Variants in RTN4RL1 observed in about 807,000 individuals in gnomAD.
RTN4RL1 encodes the protein reticulon-4 receptor-like 1.
Under a neutral mutation model 25.6 loss-of-function variants are expected in RTN4RL1, and 7 were observed. The ratio of observed to expected loss-of-function variants is 0.27; its 90% CI spans 0.16 to 0.51. The LOEUF (loss-of-function observed/expected upper bound fraction) is 0.51, where lower values mean the gene tolerates loss of function less well. Ranked by LOEUF, RTN4RL1 falls within the 20% of genes least tolerant of loss-of-function variation. RTN4RL1 has a pLI of 0.97. For synonymous variants in RTN4RL1, 297 were observed against 288.2 expected (o/e 1.03, Z -0.31); for missense variants, 500 against 615.6 (o/e 0.81, Z 1.99).
At chr17:2,023,175 G>A (rs1567535813) in intron 1 of RTN4RL1, among the ~76,000 whole-genome samples, 2 of 152,180 alleles carry the variant, frequency 1.3e-5, no homozygotes, top group Non-Finnish European at 2.9e-5. Context: ...GCCTCTCAGA[G>A]CTGTCTGGGA....
intron 1 of RTN4RL1, among the ~76,000 whole-genome samples, chr17:1,945,056 C>T (rs539326261): frequency 7.9e-5 from 12 of 152,254 alleles, no homozygotes; most frequent in East Asian, 3.9e-4. Context: ...ACCCTATTCA[C>T]GCCAGGGATG....
intron 1 of RTN4RL1, among the ~76,000 whole-genome samples, chr17:2,004,750 G>A (rs1430065132): frequency 6.6e-6 from 1 of 152,232 alleles, no homozygotes; most frequent in Non-Finnish European, 1.5e-5. Context: ...CACCCTACGT[G>A]ACCTGTCCCT....
chr17:2,002,116 C>G (rs1453376715), intron 1 of RTN4RL1, among the ~76,000 whole-genome samples: 2 of 151,650 alleles, frequency 1.3e-5, no homozygotes, highest in Non-Finnish European at 2.9e-5. Context: ...TATTTATTAC[C>G]CTCAATTATT....
chr17:1,989,683 T>C lies in RTN4RL1; in HGVS notation c.13+35170A>G, dbSNP rs111388107. Among the ~76,000 whole-genome samples the C allele has an allele frequency of 9.1e-3, 1,391 of 152,268 alleles. 29 individuals are homozygous for C. The highest frequency in any genetic ancestry group is 0.032 in the African/African-American group (1,320 of 41,540). ...CCACCTCCCGGTTTCAAGCAATTCT[T>C]CTGCCTCAGCCTCCCGAGTAGCCAG... On this transcript the variant is annotated intron_variant, in intron 1 of 1. Transcript: ENST00000331238.
At position 1,994,538 on chromosome 17, in the gene RTN4RL1, G is replaced by A. The variant is rs1030244136; in HGVS notation, c.13+30315C>T. Among the ~76,000 whole-genome samples the A allele has an allele frequency of 2.0e-5, 3 of 152,188 alleles. No homozygotes were observed. The highest frequency in any genetic ancestry group is 4.4e-5 in the Non-Finnish European group (3 of 68,034). ...CCATCCCCTTCCCACCAGCTTGCGA[G>A]CTTATCAAACCCACAATTTGGGAGA... On this transcript the variant is annotated intron_variant, in intron 1 of 1. Coordinates refer to ENST00000331238, the MANE Select transcript of RTN4RL1 (RefSeq NM_178568.4). This position sits in a 1 kb window ranked among gnomAD's most constrained non-coding sequence, Gnocchi z 4.3.
Position 2,010,499 on chromosome 17 carries a change from G to C in RTN4RL1, c.13+14354C>G, listed in dbSNP as rs1286821182. On this transcript the variant is annotated intron_variant, in intron 1 of 1. Coordinates refer to ENST00000331238, the MANE Select transcript of RTN4RL1 (RefSeq NM_178568.4). ...CTCAATATATATATAGTTGTTTATT[G>C]TCTATTTCTCCACCCCAACTAGAAT... is the stretch of plus-strand genomic sequence containing the variant. Among the ~76,000 whole-genome samples, 4 of 151,954 alleles carry C rather than the reference G, an allele frequency of 2.6e-5. No homozygotes were observed. The East Asian group carries it at 5.8e-4, about 22-fold the overall frequency.
At chr17:1,967,091 G>A (rs1411702570) in intron 1 of RTN4RL1, among the ~76,000 whole-genome samples, 2 of 151,464 alleles carry the variant, frequency 1.3e-5, no homozygotes, top group African/African-American at 4.9e-5. Flanking sequence ...CAGGGAGGTG[G>A]TACAGGTGGC....
intron 1 of RTN4RL1, among the ~76,000 whole-genome samples, chr17:1,979,977 C>A (rs2066860283): frequency 1.3e-5 from 2 of 152,212 alleles, no homozygotes; most frequent in African/African-American, 4.8e-5. Context: ...GAGCTGAAGG[C>A]CCAGGCCCTT....
At chr17:2,004,367 C>CAAAA (rs58690992) in intron 1 of RTN4RL1, among the ~76,000 whole-genome samples, 9 of 36,514 alleles carry the variant, frequency 2.5e-4, no homozygotes, top group East Asian at 1.4e-3. Flanking sequence ...GACTCTGTCT[C>CAAAA]AAAAAAAAAA....
At chr17:1,976,733 G>T (rs895491005) in intron 1 of RTN4RL1, among the ~76,000 whole-genome samples, 2 of 152,202 alleles carry the variant, frequency 1.3e-5, no homozygotes, top group African/African-American at 2.4e-5. Context: ...CCCAGCTCAC[G>T]GGGCAGGGAG....
intron 1 of RTN4RL1, among the ~76,000 whole-genome samples, chr17:1,984,619 C>T (rs2066880272): frequency 6.6e-6 from 1 of 152,188 alleles, no homozygotes; most frequent in Non-Finnish European, 1.5e-5. Flanking sequence ...GAATTCTGAT[C>T]CTTTCTGCGA....
chr17:1,946,817 TGTGTGCACGGG>T (rs1915557515), intron 1 of RTN4RL1, among the ~76,000 whole-genome samples: 1 of 149,096 alleles, frequency 6.7e-6, no homozygotes, highest in African/African-American at 2.5e-5. Flanking sequence ...GTGTGAATTG[TGTGTGCACGGG>T]GTCTGTGTGC....
intron 1 of RTN4RL1, among the ~76,000 whole-genome samples, chr17:2,022,336 G>C (rs973684762): frequency 6.6e-6 from 1 of 151,896 alleles, no homozygotes. Flanking sequence ...TTTTTTTGTA[G>C]AGACGAAGTC....
intron 1 of RTN4RL1, among the ~76,000 whole-genome samples, chr17:2,004,862 A>G (rs2066982685): frequency 6.6e-6 from 1 of 152,150 alleles, no homozygotes; most frequent in Non-Finnish European, 1.5e-5. Context: ...AAGGGCAGTG[A>G]GATGTGGGCT....
chr17:2,024,438 G>T (rs2067247966), intron 1 of RTN4RL1, among the ~76,000 whole-genome samples: 1 of 151,740 alleles, frequency 6.6e-6, no homozygotes, highest in African/African-American at 2.4e-5. Context: ...CTGACCGCTG[G>T]CTGCACGGGG....
chr17:1,988,378 C>T (rs1176411258), intron 1 of RTN4RL1, among the ~76,000 whole-genome samples: 1 of 133,676 alleles, frequency 7.5e-6, no homozygotes, highest in African/African-American at 2.8e-5. Context: ...GCATTCCAGC[C>T]TGGTGACAGA....
At chr17:1,992,170 C>A (rs1166903437) in intron 1 of RTN4RL1, among the ~76,000 whole-genome samples, 1 of 151,942 alleles carries the variant, frequency 6.6e-6, no homozygotes, top group African/African-American at 2.4e-5. Flanking sequence ...CGAGACCATC[C>A]TGGCTAACAC....
chr17:1,947,525 C>T (rs1915581905), intron 1 of RTN4RL1, among the ~76,000 whole-genome samples: 1 of 152,216 alleles, frequency 6.6e-6, no homozygotes, highest in African/African-American at 2.4e-5. Context: ...AATTATGTAC[C>T]CACTCCAGGT....
chr17:1,958,763 G>A (rs796665208), intron 1 of RTN4RL1, among the ~76,000 whole-genome samples: 10 of 152,384 alleles, frequency 6.6e-5, no homozygotes, highest in African/African-American at 2.4e-4. Context: ...GGGCTTGCTG[G>A]TGACAGGCCT....
Sources: allele counts gnomAD v4.1 joint callset (sites outside exome capture counted in the v4.1 genomes callset), GRCh38; gene constraint gnomAD v4.1.1; non-coding constraint Gnocchi (gnomAD v3.1); transcripts MANE v1.5; gene names NCBI Gene and HGNC (gene_info 2026-07-23, HGNC 2026-07-21).